RBFOX1: variants seen among roughly 807,000 people sequenced by gnomAD.
RBFOX1 encodes the protein RNA binding fox-1 homolog 1.
RBFOX1 carries 8 observed loss-of-function variants against 57.7 expected under a neutral mutation model. The ratio of observed to expected loss-of-function variants is 0.14; its 90% CI spans 0.08 to 0.25. RBFOX1 has a LOEUF of 0.25. RBFOX1 is among the 10% of genes least tolerant of loss of function. The pLI is 1.00. For missense variants in RBFOX1, 611 were observed against 548.5 expected (o/e 1.11, Z -1.14); for synonymous variants, 326 against 222.4 (o/e 1.47, Z -4.15).
intron 3 of RBFOX1, among the ~76,000 whole-genome samples, chr16:5,782,117 A>C (rs1043284464): frequency 6.6e-6 from 1 of 152,238 alleles, no homozygotes; most frequent in African/African-American, 2.4e-5. Context: ...AGGCTGAGGC[A>C]GGAGAATCAC....
At chr16:5,580,078 A>G (rs964486623) in intron 2 of RBFOX1, among the ~76,000 whole-genome samples, 4 of 152,028 alleles carry the variant, frequency 2.6e-5, no homozygotes, top group African/African-American at 9.7e-5. Context: ...GCTGGCAGTT[A>G]ATTCTTTATC....
At chr16:5,624,568 C>G (rs2048294773) in intron 3 of RBFOX1, among the ~76,000 whole-genome samples, 1 of 152,184 alleles carries the variant, frequency 6.6e-6, no homozygotes, top group South Asian at 2.1e-4. Context: ...CCTGGGATTT[C>G]TAAAGCACAG....
intron 1 of RBFOX1, among the ~76,000 whole-genome samples, chr16:5,454,748 T>TCTTTTCTTTCTTTCCTTTA (rs1486882246): frequency 9.1e-6 from 1 of 109,390 alleles, no homozygotes; most frequent in African/African-American, 3.8e-5. Flanking sequence ...TCTTTCTTTT[T>TCTTTTCTTTCTTTCCTTTA]CTTTTCTTTT....
intron 3 of RBFOX1, among the ~76,000 whole-genome samples, chr16:7,029,073 TATATATATACACACACACAC>T (rs1388965956): frequency 3.3e-4 from 15 of 45,616 alleles, no homozygotes; most frequent in African/African-American, 3.0e-3. Context: ...TATATATATA[TATATATATACACACACACAC>T]ACACACACAC....
At chr16:6,297,025 G>A (rs1002441335) in intron 1 of RBFOX1, among the ~76,000 whole-genome samples, 1 of 152,146 alleles carries the variant, frequency 6.6e-6, no homozygotes, top group African/African-American at 2.4e-5. Flanking sequence ...ACAAGGGGTG[G>A]GTTATTCATG....
intron 3 of RBFOX1, among the ~76,000 whole-genome samples, chr16:5,630,253 T>C (rs964584734): frequency 2.0e-5 from 3 of 152,080 alleles, no homozygotes; most frequent in African/African-American, 7.2e-5. Context: ...GGTCAGGAGT[T>C]CGAGACCAGC....
intron 2 of RBFOX1, among the ~76,000 whole-genome samples, chr16:6,567,322 G>A (rs1343682520): frequency 3.3e-5 from 5 of 152,100 alleles, no homozygotes; most frequent in Non-Finnish European, 5.9e-5. Flanking sequence ...AGAGAGATGG[G>A]GAAACTGAGG....
intron 3 of RBFOX1, among the ~76,000 whole-genome samples, chr16:6,719,073 C>G (rs570467132): frequency 6.6e-6 from 1 of 152,024 alleles, no homozygotes; most frequent in African/African-American, 2.4e-5. Flanking sequence ...TGCCATGTTG[C>G]CCAGGCTGGT....
chr16:6,939,178 C>G (rs1876491330), intron 3 of RBFOX1, among the ~76,000 whole-genome samples: 1 of 151,938 alleles, frequency 6.6e-6, no homozygotes, highest in Admixed American at 6.6e-5. Context: ...AGAACTCAGG[C>G]CAATGAAGAG....
chr16:5,446,571 T>C (rs904869664), intron 1 of RBFOX1, among the ~76,000 whole-genome samples: 1 of 152,138 alleles, frequency 6.6e-6, no homozygotes, highest in Non-Finnish European at 1.5e-5. Flanking sequence ...GTTTTTCTTC[T>C]GGTGGGCTTT....
chr16:7,144,046 C>T (rs2074393172), intron 4 of RBFOX1, among the ~76,000 whole-genome samples: 1 of 152,112 alleles, frequency 6.6e-6, no homozygotes, highest in Admixed American at 6.5e-5. Flanking sequence ...TCCGTAAAGG[C>T]TGAGTTTCGG....
At chr16:7,059,415 C>T (rs185887462) in intron 4 of RBFOX1, among the ~76,000 whole-genome samples, 41 of 152,214 alleles carry the variant, frequency 2.7e-4, no homozygotes, top group Non-Finnish European at 4.1e-4. Flanking sequence ...GAGCAGAAAC[C>T]GTATGCCAAT....
intron 2 of RBFOX1, among the ~76,000 whole-genome samples, chr16:5,517,896 T>C (rs1351518819): frequency 6.6e-6 from 1 of 151,848 alleles, no homozygotes; most frequent in East Asian, 1.9e-4. Flanking sequence ...ATTTTACATA[T>C]ATATGTGTAT....
chr16:7,394,235 C>CAAAAAAAAAAAA (rs59934126), intron 4 of RBFOX1, among the ~76,000 whole-genome samples: 7 of 55,040 alleles, frequency 1.3e-4, no homozygotes, highest in African/African-American at 4.2e-4. Context: ...GACTCCGCAT[C>CAAAAAAAAAAAA]AAAAAAAAAA....
chr16:6,021,596 C>T (rs542531597), intron 1 of RBFOX1, among the ~76,000 whole-genome samples: 1 of 152,302 alleles, frequency 6.6e-6, no homozygotes, highest in Non-Finnish European at 1.5e-5. Context: ...GAAGAATCCC[C>T]TGGGCTTTCC....
At chr16:6,190,088 T>C (rs920780623) in intron 1 of RBFOX1, among the ~76,000 whole-genome samples, 2 of 152,218 alleles carry the variant, frequency 1.3e-5, no homozygotes, top group Non-Finnish European at 2.9e-5. Flanking sequence ...TTTTATTATT[T>C]TTTGCTCAAA....
At chr16:7,113,028 A>G (rs1392476952) in intron 4 of RBFOX1, among the ~76,000 whole-genome samples, 3 of 152,192 alleles carry the variant, frequency 2.0e-5, no homozygotes, top group African/African-American at 7.2e-5. Flanking sequence ...GACCCATCGA[A>G]CTGGAGTCAG....
At chr16:5,817,345 G>C (rs1398834118) in intron 3 of RBFOX1, among the ~76,000 whole-genome samples, 1 of 152,242 alleles carries the variant, frequency 6.6e-6, no homozygotes, top group African/African-American at 2.4e-5. Flanking sequence ...CTGACAAGCA[G>C]GTACTGATGG....
upstream of RBFOX1, among the ~76,000 whole-genome samples, chr16:6,015,341 T>G (rs1170829412): frequency 1.3e-5 from 2 of 152,268 alleles, no homozygotes; most frequent in East Asian, 3.9e-4. Flanking sequence ...TAAACAAATA[T>G]AAGATAATAA....
Sources: gnomAD v4.1 joint callset for allele counts (sites outside exome capture counted in the v4.1 genomes callset) on GRCh38, gnomAD v4.1.1 for gene constraint, MANE v1.5 for transcripts, NCBI Gene and HGNC (gene_info 2026-07-23, HGNC 2026-07-21) for gene names.